UBOX5: variants seen among roughly 807,000 people sequenced by gnomAD.
The protein encoded by UBOX5 is RING finger protein 37.
UBOX5 carries 28 observed loss-of-function variants against 39.0 expected under a neutral mutation model. That is an observed-to-expected ratio of 0.72 (90% CI 0.53 to 0.98). UBOX5 has a LOEUF of 0.98. Among genes scored for constraint, UBOX5 ranks in the 50% least tolerant of loss-of-function variants. The probability of loss-of-function intolerance (pLI) is 0.00; values close to 1 mark genes in which losing one functional copy is unlikely to be tolerated. For synonymous variants in UBOX5, 283 were observed against 275.5 expected, an observed-to-expected ratio of 1.03 and a Z score of -0.27; for missense variants, 585 against 674.4, an observed-to-expected ratio of 0.87 and a Z score of 1.47.
chr20:3,141,303 A>G (rs1177820406), intron 1 of UBOX5, among the ~76,000 whole-genome samples: 3 of 152,172 alleles, frequency 2.0e-5, no homozygotes, highest in African/African-American at 7.2e-5. Context: ...AAAAATAAAG[A>G]ATATTTGCTG....
intron 1 of UBOX5, chr20:3,150,985 C>T (rs41310183): frequency 6.6e-6 from 1 of 152,188 alleles, no homozygotes; most frequent in African/African-American, 2.4e-5. Flanking sequence ...AGCAATCCTC[C>T]CACTTCAGCC....
intron 1 of UBOX5, among the ~76,000 whole-genome samples, chr20:3,134,967 G>A (rs893074885): frequency 6.6e-6 from 1 of 152,096 alleles, no homozygotes; most frequent in African/African-American, 2.4e-5. Context: ...TCAATTTGTG[G>A]TTTTTGGAAT....
In UBOX5 at chr20:3,107,751, G is replaced by GC. The variant is rs1304162728; in HGVS notation, c.*2354dup. ...TCCACCTGTACCCAGGACAGGGCCT[G>GC]CCACTCCAGGGGCTCCCAGGCTGGA... On this transcript the variant is annotated 3_prime_UTR_variant, in exon 5 of 5. Transcript: ENST00000217173. The surrounding 1 kb of genome is among the most constrained non-coding windows in gnomAD (Gnocchi z 5.0). 6.6e-6 allele frequency: 1 copy of GC among 152,208 alleles called. No individual in the cohort carries two copies. Among genetic ancestry groups the GC allele is most frequent in the Non-Finnish European group, 1.5e-5 (1 of 68,054 alleles). The allele number at this position is 152,208 out of a possible 1,614,324, so 9.4% of individuals were successfully genotyped here.
chr20:3,115,714 ATG>A (rs1480795711), intron 3 of UBOX5, among the ~76,000 whole-genome samples: 3 of 149,372 alleles, frequency 2.0e-5, no homozygotes, highest in Non-Finnish European at 4.4e-5. Flanking sequence ...CTGGGCAGAC[ATG>A]AGCCACCTCG....
At chr20:3,114,091 G>A (rs1446654976) in intron 4 of UBOX5, among the ~76,000 whole-genome samples, 1 of 152,132 alleles carries the variant, frequency 6.6e-6, no homozygotes, top group African/African-American at 2.4e-5. Flanking sequence ...CTGAAATCGC[G>A]CCATCGCACT....
chr20:3,126,114 G>A (rs1378547572), intron 1 of UBOX5, among the ~76,000 whole-genome samples: 1 of 152,226 alleles, frequency 6.6e-6, no homozygotes, highest in African/African-American at 2.4e-5. Context: ...GATTGTTACT[G>A]TGTCTGTGTA....
intron 1 of UBOX5, chr20:3,147,950 A>T (rs2066585031): frequency 1.2e-6 from 2 of 1,614,256 alleles, no homozygotes; most frequent in South Asian, 2.2e-5. Flanking sequence ...AATCTGCTTC[A>T]TGAAATTGAT....
intron 3 of UBOX5, among the ~76,000 whole-genome samples, chr20:3,120,954 CAT>C (rs2066330551): frequency 6.6e-6 from 1 of 152,118 alleles, no homozygotes; most frequent in Admixed American, 6.6e-5. Flanking sequence ...CCCACTGTCA[CAT>C]GAGTAACACA....
chr20:3,152,956 T>A (rs115552133), intron 1 of UBOX5, among the ~76,000 whole-genome samples: 3,008 of 152,030 alleles, frequency 0.02, 117 homozygotes, highest in African/African-American at 0.068. Context: ...TCCCATTTTT[T>A]AAATAAAATA....
At chr20:3,125,653 C>G (rs140180435) in intron 1 of UBOX5, among the ~76,000 whole-genome samples, 9,422 of 136,580 alleles carry the variant, frequency 0.069, 449 homozygotes, top group Middle Eastern at 0.12. Flanking sequence ...GCCACCCCGT[C>G]TGAGAAGTGA....
At chr20:3,146,672 A>G (rs954709646) in intron 1 of UBOX5, 28 of 1,359,666 alleles carry the variant, frequency 2.1e-5, no homozygotes, top group East Asian at 4.6e-5. Context: ...TCCTCAACAC[A>G]CTATTTTATC....
chr20:3,133,640 G>A (rs1441526022), intron 1 of UBOX5, among the ~76,000 whole-genome samples: 2 of 151,734 alleles, frequency 1.3e-5, no homozygotes, highest in Non-Finnish European at 2.9e-5. Context: ...TGCTATGTTT[G>A]CTTCTGATTT....
Position 3,109,805 on chromosome 20 carries a change from G to T in UBOX5, c.*301C>A, listed in dbSNP as rs2066238829. ...GGGGGGTATGCGGACTGCACGGGGG[G>T]GCCCTCAGCAGGGGTCTTCCTGCCT... is the stretch of plus-strand genomic sequence containing the variant. On this transcript the variant is annotated 3_prime_UTR_variant, in exon 5 of 5. Transcript: ENST00000217173. 6.6e-6 allele frequency: 3 copies of T among 456,090 alleles called. No homozygotes were observed. In the South Asian group the frequency reaches 6.6e-5, roughly 10 times the overall value. The allele number at this position is 456,090 out of a possible 1,614,324, so 28.3% of individuals were successfully genotyped here.
intron 4 of UBOX5, among the ~76,000 whole-genome samples, chr20:3,112,082 A>T (rs1433790484): frequency 1.3e-5 from 2 of 150,298 alleles, no homozygotes; most frequent in African/African-American, 4.9e-5. Context: ...TGTGCACACA[A>T]GCCAAAAATT....
intron 1 of UBOX5, among the ~76,000 whole-genome samples, chr20:3,143,874 G>A (rs6076480): frequency 0.24 from 36,408 of 152,014 alleles, 5,661 homozygotes; most frequent in Non-Finnish European, 0.35. Context: ...TTAGAGGATC[G>A]CTTGAGCCCA....
Position 3,109,997 on chromosome 20 carries a change from G to A in UBOX5, c.*109C>T, listed in dbSNP as rs2066240525. On this transcript the variant is annotated 3_prime_UTR_variant, in exon 5 of 5. Transcript: ENST00000217173. The stretch of plus-strand genomic sequence containing the variant: ...TGAAGAAGAGCCCCGGGAGGGAGCA[G>A]GCAGCTCTGTGCCTGGGGCCTGGCC... The A allele has an allele frequency of 1.5e-6, 2 of 1,322,074 alleles. No individual in the cohort carries two copies. The highest frequency in any genetic ancestry group is 1.1e-6 in the Non-Finnish European group (1 of 943,778). The allele number at this position is 1,322,074 out of a possible 1,614,324, so 81.9% of individuals were successfully genotyped here.
intron 1 of UBOX5, among the ~76,000 whole-genome samples, chr20:3,125,015 G>A (rs979170073): frequency 4.0e-5 from 6 of 149,396 alleles, no homozygotes; most frequent in African/African-American, 9.9e-5. Flanking sequence ...TGAGAAGTGA[G>A]GAGCACCTCT....
intron 3 of UBOX5, among the ~76,000 whole-genome samples, chr20:3,117,011 G>A (rs111498337): frequency 6.6e-6 from 1 of 151,876 alleles, no homozygotes; most frequent in African/African-American, 2.4e-5. Flanking sequence ...CAGGAGATTC[G>A]CTTGAACTCA....
intron 1 of UBOX5, among the ~76,000 whole-genome samples, chr20:3,154,431 T>C (rs1488882772): frequency 1.3e-5 from 2 of 152,218 alleles, no homozygotes; most frequent in Non-Finnish European, 2.9e-5. Flanking sequence ...CCTGTAATCA[T>C]AGTACTCTGG....
Sources: gnomAD v4.1 joint callset for allele counts (sites outside exome capture counted in the v4.1 genomes callset) on GRCh38, gnomAD v4.1.1 for gene constraint, Gnocchi (gnomAD v3.1) non-coding constraint, MANE v1.5 for transcripts, NCBI Gene and HGNC (gene_info 2026-07-23, HGNC 2026-07-21) for gene names.